PRMT9: variants seen among roughly 807,000 people sequenced by gnomAD.
The protein encoded by PRMT9 is protein arginine methyltransferase 9, also known as protein arginine N-methyltransferase 9.
Under a neutral mutation model 83.2 loss-of-function variants are expected in PRMT9, and 59 were observed. That is an observed-to-expected ratio of 0.71 (90% confidence interval 0.57 to 0.88). The LOEUF (loss-of-function observed/expected upper bound fraction) is 0.88. PRMT9 is among the 40% of genes least tolerant of loss of function. The pLI is 0.00. For synonymous variants in PRMT9, 333 were observed against 353.2 expected (o/e 0.94, Z 0.64); for missense variants, 947 against 1,021.9 (o/e 0.93, Z 1.00).
intron 2 of PRMT9, among the ~76,000 whole-genome samples, chr4:147,679,775 CTG>C (rs1440227203): frequency 6.6e-6 from 1 of 152,206 alleles, no homozygotes; most frequent in Non-Finnish European, 1.5e-5. Context: ...TGGAGAGACA[CTG>C]TAGCAAGAAA....
At chr4:147,665,143 A>AT (rs36005247) in intron 6 of PRMT9, among the ~76,000 whole-genome samples, 3 of 150,208 alleles carry the variant, frequency 2.0e-5, no homozygotes, top group African/African-American at 2.4e-5. Context: ...AAAAAAAAAA[A>AT]GATGTTGTCT....
chr4:147,681,236 G>A (rs932593064), intron 1 of PRMT9, among the ~76,000 whole-genome samples: 1 of 152,066 alleles, frequency 6.6e-6, no homozygotes, highest in African/African-American at 2.4e-5. Flanking sequence ...CTTTAAATCT[G>A]TTACCTCCTC....
At chr4:147,673,960 TG>T in intron 2 of PRMT9, 86 bp from the exon 3 acceptor site, 2 of 1,128,722 alleles carry the variant, frequency 1.8e-6, no homozygotes, top group Non-Finnish European at 2.7e-6. Flanking sequence ...TCACTTGGCC[TG>T]GGAATTCCAT....
intron 1 of PRMT9, among the ~76,000 whole-genome samples, chr4:147,681,616 A>G (rs7672671): frequency 0.86 from 131,037 of 151,886 alleles, 58,705 homozygotes; most frequent in Non-Finnish European, 0.98. Flanking sequence ...GTGAAACCCC[A>G]TCTCTACTAA....
chr4:147,657,726 TGCCACTGA>T, intron 8 of PRMT9, 58 bp downstream of exon 8: 1 of 1,232,086 alleles, frequency 8.1e-7, no homozygotes, highest in Non-Finnish European at 1.2e-6. Flanking sequence ...ATTTTTTTTT[TGCCACTGA>T]CTTGAATACT....
chr4:147,673,604 A>C, intron 3 of PRMT9, 34 bp downstream of exon 3: 1 of 1,231,274 alleles, frequency 8.1e-7, no homozygotes, highest in Non-Finnish European at 1.2e-6. Context: ...ATTAGAATAC[A>C]TGTATATACC....
Position 147,668,659 on chromosome 4 carries a change from CA to C in PRMT9, c.847-15del. On this transcript the variant is annotated splice_polypyrimidine_tract_variant and intron_variant, in intron 5 of 11. Transcript: ENST00000322396. ...TTCACCTTTGGTCTAAAAAAAATAA[CA>C]ATAAGAATTATGTTATCACATGTAT... The C allele has an allele frequency of 7.0e-7, 1 of 1,427,308 alleles. No homozygotes were observed. Among genetic ancestry groups the C allele is most frequent in the Non-Finnish European group, 9.9e-7 (1 of 1,010,976 alleles). 88.4% of individuals were successfully genotyped at this position (1,427,308 alleles called of 1,614,324 possible). A position where few individuals can be genotyped will look rare whatever the true frequency, so the allele number is the denominator to read the frequency against.
chr4:147,677,034 A>C (rs1442144791), intron 2 of PRMT9, among the ~76,000 whole-genome samples: 3 of 143,604 alleles, frequency 2.1e-5, no homozygotes, highest in Non-Finnish European at 4.5e-5. Flanking sequence ...ACAAAGCAAG[A>C]CTCCGTCTCA....
rs147164877 is a variant in PRMT9 at position 147,670,674 on chromosome 4, A to C, written c.813T>G (p.Ile271Met). ...LFGEGIVESLIHAWEHLLLQP... is the reference protein window; with the variant it reads ...LFGEGIVESLMHAWEHLLLQP... ...GTAAAAGTAAATGCTCCCATGCATG[A>C]ATCAAACTCTCCACAATTCCTTCTC... is the stretch of plus-strand genomic sequence containing the variant. Residue 271 changes from isoleucine (I) to methionine (M), a missense_variant, in exon 5 of 12, where the codon ATT (isoleucine) becomes ATG (methionine). Ile to Met is a conservative substitution (Grantham distance 10). Coordinates refer to ENST00000322396, the MANE Select transcript of PRMT9 (RefSeq NM_138364.4). 3.7e-5 allele frequency: 60 copies of C among 1,613,324 alleles called. No homozygotes were observed. Among genetic ancestry groups the C allele is most frequent in the Non-Finnish European group, 4.7e-5 (56 of 1,179,452 alleles).
intron 3 of PRMT9, 46 bp from the exon 4 acceptor site, chr4:147,673,172 A>G (rs1219288915): frequency 3.2e-6 from 5 of 1,561,740 alleles, no homozygotes; most frequent in Non-Finnish European, 4.4e-6. Context: ...AATCTACTGT[A>G]TTTTCTCAAA....
rs144744126 is a variant in PRMT9 at position 147,646,041 on chromosome 4, A to G, written c.2046-3101T>C. The stretch of plus-strand genomic sequence containing the variant: ...TTTGTCATAATAGGTAGTCTGGTAG[A>G]AATTCAGTCTCCACAGTTAGTGAAA... On this transcript the variant is annotated intron_variant, in intron 9 of 11. Transcript: ENST00000322396. 9.8e-5 allele frequency among the ~76,000 whole-genome samples: 15 copies of G among 152,344 alleles called. No homozygotes were observed. The East Asian group carries it at 2.9e-3, about 29-fold the overall frequency.
chr4:147,673,235 C>T, intron 3 of PRMT9, 109 bp from the exon 4 acceptor site: 2 of 923,478 alleles, frequency 2.2e-6, no homozygotes, highest in East Asian at 5.2e-5. Context: ...TATTCTTTAA[C>T]ACAACCATTA....
chr4:147,663,975 A>G (rs992249444), intron 6 of PRMT9, among the ~76,000 whole-genome samples: 5 of 152,200 alleles, frequency 3.3e-5, no homozygotes, highest in Admixed American at 3.3e-4. Context: ...ATTCAGTATT[A>G]TCTAACCTAC....
At chr4:147,657,114 G>A (rs1578900418) in intron 8 of PRMT9, among the ~76,000 whole-genome samples, 1 of 152,016 alleles carries the variant, frequency 6.6e-6, no homozygotes, top group African/African-American at 2.4e-5. Flanking sequence ...TTTTTATGAT[G>A]CAGGGCTCCA....
intron 8 of PRMT9, among the ~76,000 whole-genome samples, chr4:147,655,701 C>G (rs764587355): frequency 2.0e-4 from 30 of 151,896 alleles, no homozygotes; most frequent in Non-Finnish European, 2.9e-4. Flanking sequence ...CACCATCATG[C>G]CTGAATTTTT....
chr4:147,669,814 T>C (rs1735611589), intron 5 of PRMT9, among the ~76,000 whole-genome samples: 1 of 152,248 alleles, frequency 6.6e-6, no homozygotes, highest in Non-Finnish European at 1.5e-5. Context: ...ACATATCATA[T>C]AAACCAAATC....
chr4:147,668,841 C>T (rs1284770574), intron 5 of PRMT9, among the ~76,000 whole-genome samples, 196 bp from the exon 6 acceptor site: 2 of 152,064 alleles, frequency 1.3e-5, no homozygotes, highest in African/African-American at 4.8e-5. Flanking sequence ...AATCCCAGCA[C>T]TTTAGGAGGC....
intron 9 of PRMT9, among the ~76,000 whole-genome samples, chr4:147,645,503 A>T (rs1228200328): frequency 6.6e-6 from 1 of 152,234 alleles, no homozygotes; most frequent in East Asian, 1.9e-4. Flanking sequence ...TGATAATTTT[A>T]TTGTGATATG....
At chr4:147,650,568 A>G (rs1274244871) in intron 9 of PRMT9, among the ~76,000 whole-genome samples, 1 of 152,238 alleles carries the variant, frequency 6.6e-6, no homozygotes, top group Non-Finnish European at 1.5e-5. Context: ...CACTGTGTTC[A>G]TGGATGGGAA....
Sources: allele counts gnomAD v4.1 joint callset (sites outside exome capture counted in the v4.1 genomes callset), GRCh38; gene constraint gnomAD v4.1.1; transcripts MANE v1.5; gene names NCBI Gene and HGNC (gene_info 2026-07-23, HGNC 2026-07-21).